Variants in RBFOX1 observed in about 807,000 individuals in gnomAD.
RBFOX1 encodes the protein RNA binding fox-1 homolog 1.
RBFOX1 carries 8 observed loss-of-function variants against 57.7 expected under a neutral mutation model. The observed-to-expected ratio is 0.14, with a 90% confidence interval of 0.08 to 0.25. RBFOX1 has a LOEUF of 0.25. Ranked by LOEUF, RBFOX1 falls within the 10% of genes least tolerant of loss-of-function variation. RBFOX1 has a pLI of 1.00. For synonymous variants in RBFOX1, 326 were observed against 222.4 expected, an observed-to-expected ratio of 1.47 and a Z score of -4.15; for missense variants, 611 against 548.5, an observed-to-expected ratio of 1.11 and a Z score of -1.14.
At chr16:7,663,426 C>T (rs368615233) in intron 12 of RBFOX1, among the ~76,000 whole-genome samples, 2 of 152,122 alleles carry the variant, frequency 1.3e-5, no homozygotes, top group African/African-American at 2.4e-5. Context: ...AGTCAATCAA[C>T]TCTGAAATAC....
At chr16:5,921,163 T>G (rs2058813428) in intron 4 of RBFOX1, among the ~76,000 whole-genome samples, 1 of 152,194 alleles carries the variant, frequency 6.6e-6, no homozygotes, top group Non-Finnish European at 1.5e-5. Flanking sequence ...GCTAAGGCCA[T>G]AGAAAGCAGT....
intron 3 of RBFOX1, among the ~76,000 whole-genome samples, chr16:6,802,638 C>T (rs892941889): frequency 6.6e-6 from 1 of 152,184 alleles, no homozygotes; most frequent in Admixed American, 6.5e-5. Flanking sequence ...GATTGTGCTA[C>T]TGTACTCCAG....
chr16:7,065,105 G>A (rs1001839468), intron 4 of RBFOX1, among the ~76,000 whole-genome samples: 1 of 152,202 alleles, frequency 6.6e-6, no homozygotes, highest in African/African-American at 2.4e-5. Flanking sequence ...GGAGTTTACA[G>A]CCTCCTGTGA....
At chr16:6,194,485 A>C (rs1308743948) in intron 1 of RBFOX1, among the ~76,000 whole-genome samples, 1 of 152,150 alleles carries the variant, frequency 6.6e-6, no homozygotes, top group Non-Finnish European at 1.5e-5. Context: ...TCTTTCAAGA[A>C]CAGCCTATTT....
At chr16:7,339,000 G>A (rs189221449) in intron 4 of RBFOX1, among the ~76,000 whole-genome samples, 49 of 152,234 alleles carry the variant, frequency 3.2e-4, no homozygotes, top group Admixed American at 1.4e-3. Context: ...GTCACTAAGC[G>A]GACTTTTCTG....
intron 4 of RBFOX1, among the ~76,000 whole-genome samples, chr16:7,223,537 A>C (rs1196547247): frequency 1.3e-5 from 2 of 152,148 alleles, no homozygotes; most frequent in Non-Finnish European, 2.9e-5. Context: ...CAGAACTCCA[A>C]ATTTTCAGGG....
intron 3 of RBFOX1, among the ~76,000 whole-genome samples, chr16:7,012,768 C>T (rs936663560): frequency 2.0e-5 from 3 of 152,168 alleles, no homozygotes; most frequent in Non-Finnish European, 4.4e-5. Flanking sequence ...GTAATGTTTC[C>T]TTTCAAGTTT....
chr16:6,465,212 G>C (rs544443980), intron 2 of RBFOX1, among the ~76,000 whole-genome samples: 8 of 151,758 alleles, frequency 5.3e-5, no homozygotes, highest in Non-Finnish European at 8.8e-5. Flanking sequence ...GATGTGTAGA[G>C]AGAGGCAGAG....
intron 3 of RBFOX1, among the ~76,000 whole-genome samples, chr16:5,819,696 A>G (rs989711595): frequency 1.3e-5 from 2 of 152,214 alleles, no homozygotes; most frequent in Non-Finnish European, 2.9e-5. Context: ...ACTGCCTGGA[A>G]TACCCTTTCC....
chr16:5,831,611 T>A (rs1188532722), intron 3 of RBFOX1, among the ~76,000 whole-genome samples: 5 of 151,922 alleles, frequency 3.3e-5, no homozygotes, highest in African/African-American at 1.2e-4. Flanking sequence ...TGCTGTAGTC[T>A]CCTGAGTAGC....
At chr16:7,125,009 C>T (rs1393340014) in intron 4 of RBFOX1, among the ~76,000 whole-genome samples, 1 of 152,084 alleles carries the variant, frequency 6.6e-6, no homozygotes, top group Non-Finnish European at 1.5e-5. Flanking sequence ...TAGACATTTA[C>T]ATATGGGAAG....
chr16:7,694,790 A>G (rs1373957585), intron 14 of RBFOX1, among the ~76,000 whole-genome samples: 1 of 152,182 alleles, frequency 6.6e-6, no homozygotes, highest in Non-Finnish European at 1.5e-5. Flanking sequence ...ATGAAACAAA[A>G]GGGGAGACCG....
chr16:6,191,323 T>G (rs2097140422), intron 1 of RBFOX1, among the ~76,000 whole-genome samples: 1 of 152,084 alleles, frequency 6.6e-6, no homozygotes, highest in South Asian at 2.1e-4. Context: ...CCTTGTAAGC[T>G]TTCTCCTATA....
At chr16:6,463,722 A>G (rs888406709) in intron 2 of RBFOX1, among the ~76,000 whole-genome samples, 5 of 152,232 alleles carry the variant, frequency 3.3e-5, no homozygotes, top group African/African-American at 1.2e-4. Context: ...CTCCGCCATT[A>G]TACAGCAGAA....
chr16:5,792,692 A>C (rs565870031), intron 3 of RBFOX1, among the ~76,000 whole-genome samples: 1 of 152,160 alleles, frequency 6.6e-6, no homozygotes, highest in African/African-American at 2.4e-5. Flanking sequence ...AAAATACAAA[A>C]ACTAGCCGGG....
intron 3 of RBFOX1, among the ~76,000 whole-genome samples, chr16:6,905,231 AGTCTCT>A (rs2069543752): frequency 6.6e-6 from 1 of 151,764 alleles, no homozygotes; most frequent in South Asian, 2.1e-4. Context: ...CCTAGCTAAC[AGTCTCT>A]GTAACTGTTT....
intron 2 of RBFOX1, among the ~76,000 whole-genome samples, chr16:5,565,699 A>G (rs1270309419): frequency 1.3e-5 from 2 of 152,036 alleles, no homozygotes; most frequent in Admixed American, 1.3e-4. Context: ...CTCTTTTATG[A>G]TAACCTGTGA....
upstream of RBFOX1, among the ~76,000 whole-genome samples, chr16:6,015,262 G>C (rs1271391980): frequency 1.3e-5 from 2 of 152,004 alleles, no homozygotes; most frequent in African/African-American, 4.8e-5. Context: ...AAATCCTAGA[G>C]TACTCTGGAG....
chr16:7,194,423 A>G (rs984382028), intron 4 of RBFOX1, among the ~76,000 whole-genome samples: 1 of 152,244 alleles, frequency 6.6e-6, no homozygotes, highest in African/African-American at 2.4e-5. Flanking sequence ...ACAATTTATG[A>G]TTATGGTACA....
Sources: allele counts gnomAD v4.1 joint callset (sites outside exome capture counted in the v4.1 genomes callset), GRCh38; gene constraint gnomAD v4.1.1; transcripts MANE v1.5; gene names NCBI Gene and HGNC (gene_info 2026-07-23, HGNC 2026-07-21).